The following RUNX2 variants were observed in gnomAD, a reference collection of about 807,000 sequenced individuals.
The protein encoded by RUNX2 is runt-related transcription factor 2.
RUNX2 carries 10 observed loss-of-function variants against 51.7 expected under a neutral mutation model. The ratio of observed to expected loss-of-function variants is 0.19; its 90% CI spans 0.12 to 0.33. The LOEUF (loss-of-function observed/expected upper bound fraction) is 0.33, where lower values mean the gene tolerates loss of function less well. RUNX2 is among the 10% of genes least tolerant of loss of function. RUNX2 has a pLI of 1.00. For synonymous variants in RUNX2, 276 were observed against 273.6 expected, an observed-to-expected ratio of 1.01 and a Z score of -0.09; for missense variants, 562 against 691.3, an observed-to-expected ratio of 0.81 and a Z score of 2.10.
At chr6:45,500,989 G>A (rs758810835) in intron 6 of RUNX2, among the ~76,000 whole-genome samples, 10 of 152,220 alleles carry the variant, frequency 6.6e-5, no homozygotes, top group Non-Finnish European at 2.9e-5. Context: ...AGGGTTAAGA[G>A]GGAAATTTAA....
chr6:45,382,878 T>C lies in RUNX2; in HGVS notation c.59-39715T>C, dbSNP rs150940266. Among the ~76,000 whole-genome samples the C allele has an allele frequency of 3.9e-3, 601 of 152,212 alleles. 2 individuals carry two copies. The highest frequency in any genetic ancestry group is 6.9e-3 in the Non-Finnish European group (469 of 68,008). On this transcript the variant is annotated intron_variant, in intron 2 of 8. Coordinates refer to ENST00000647337, the MANE Select transcript of RUNX2 (RefSeq NM_001024630.4). ...TTGTTACAGTAGAGGGCTTAAGACA[T>C]GGTTGGGTTCTGGGTATATTTTGAA... is the stretch of plus-strand genomic sequence containing the variant.
intron 7 of RUNX2, among the ~76,000 whole-genome samples, chr6:45,539,574 G>A (rs1802152639): frequency 2.6e-5 from 4 of 152,196 alleles, no homozygotes; most frequent in Admixed American, 2.6e-4. Flanking sequence ...TTTAGTGTGA[G>A]GGGAGAAATT....
chr6:45,450,869 C>T (rs1225771066), intron 5 of RUNX2, among the ~76,000 whole-genome samples: 1 of 152,096 alleles, frequency 6.6e-6, no homozygotes, highest in Non-Finnish European at 1.5e-5. Flanking sequence ...ACTCACACAC[C>T]CAAAAGTGGC....
chr6:45,457,062 A>G (rs1799337045), intron 5 of RUNX2, among the ~76,000 whole-genome samples: 1 of 152,194 alleles, frequency 6.6e-6, no homozygotes, highest in Admixed American at 6.5e-5. Context: ...GCCAATTTTT[A>G]TATGCATTTT....
At chr6:45,363,018 T>C (rs919717765) in intron 2 of RUNX2, among the ~76,000 whole-genome samples, 16 of 152,194 alleles carry the variant, frequency 1.1e-4, no homozygotes, top group South Asian at 4.1e-4. Context: ...AGGTTTTTTA[T>C]TTTTATTTTT....
At chr6:45,544,066 A>AT (rs1250490153) in intron 7 of RUNX2, among the ~76,000 whole-genome samples, 2 of 151,876 alleles carry the variant, frequency 1.3e-5, no homozygotes, top group Non-Finnish European at 2.9e-5. Flanking sequence ...ATTCCAGAAA[A>AT]TTCTATTGTT....
At position 45,546,965 on chromosome 6, in the gene RUNX2, C is replaced by G; in HGVS notation, c.1226C>G (p.Ser409Cys). The change falls in exon 9 of 9, where the codon TCC becomes TGC. Residue 409 changes from serine to cysteine, a missense_variant. Physicochemically the swap from Ser to Cys is moderately radical, Grantham distance 112. Transcript: ENST00000647337. ...ACCCCGCCAGTCACCTCAGGCATGTCCCTCGGTATGTCCGCCACCACTCAC... is the reference window on the plus strand; with the variant it reads ...ACCCCGCCAGTCACCTCAGGCATGTGCCTCGGTATGTCCGCCACCACTCAC... ...TYTPPVTSGM[S>C]LGMSATTHYH... is the part of the protein sequence containing the mutation. The G allele has an allele frequency of 2.5e-6, 4 of 1,614,008 alleles. No homozygotes were observed. The highest frequency in any genetic ancestry group is 3.4e-6 in the Non-Finnish European group (4 of 1,179,992).
chr6:45,379,029 C>G (rs1010425498), intron 2 of RUNX2, among the ~76,000 whole-genome samples: 1 of 152,166 alleles, frequency 6.6e-6, no homozygotes, highest in East Asian at 1.9e-4. Context: ...CCTATAGATA[C>G]TGTGAGTTCT....
intron 5 of RUNX2, among the ~76,000 whole-genome samples, chr6:45,460,654 G>C (rs1799449081): frequency 1.3e-5 from 2 of 152,038 alleles, no homozygotes; most frequent in African/African-American, 4.8e-5. Flanking sequence ...ATCTACTTGG[G>C]AGGCTGAGGC....
intron 5 of RUNX2, among the ~76,000 whole-genome samples, chr6:45,463,103 A>G (rs1170510156): frequency 7.9e-5 from 12 of 152,150 alleles, no homozygotes; most frequent in African/African-American, 2.9e-4. Context: ...TCTACCAAAT[A>G]TTGATCAATG....
chr6:45,349,403 C>T lies in RUNX2; in HGVS notation c.58+20619C>T, dbSNP rs151308950. Among the ~76,000 whole-genome samples the T allele has an allele frequency of 2.7e-3, 410 of 152,272 alleles. 4 individuals carry two copies. Among genetic ancestry groups the T allele is most frequent in the African/African-American group, 8.2e-3 (340 of 41,554 alleles). ...TTAAATTAGCTACTTATTGATAAAT[C>T]GGGGCACTACAAGATGACATTATAT... On this transcript the variant is annotated intron_variant, in intron 2 of 8. Transcript: ENST00000647337.
intron 7 of RUNX2, among the ~76,000 whole-genome samples, chr6:45,516,850 T>A (rs1801341681): frequency 6.6e-6 from 1 of 152,228 alleles, no homozygotes; most frequent in African/African-American, 2.4e-5. Flanking sequence ...TTTCAAAATG[T>A]ATTTTATACA....
chr6:45,488,816 A>G (rs1159738744), intron 5 of RUNX2, among the ~76,000 whole-genome samples: 1 of 152,174 alleles, frequency 6.6e-6, no homozygotes, highest in African/African-American at 2.4e-5. Context: ...TCCTGTTTGG[A>G]ACATCTACTC....
At chr6:45,465,832 G>T (rs1325143079) in intron 5 of RUNX2, among the ~76,000 whole-genome samples, 2 of 149,722 alleles carry the variant, frequency 1.3e-5, no homozygotes, top group Non-Finnish European at 3.0e-5. Flanking sequence ...CTTTAGTGGA[G>T]ACAGGGTTTC....
chr6:45,380,342 A>G (rs1298625608), intron 2 of RUNX2, among the ~76,000 whole-genome samples: 2 of 152,246 alleles, frequency 1.3e-5, no homozygotes, highest in South Asian at 4.1e-4. Context: ...AAATGTCTCC[A>G]TGACCTGGAC....
chr6:45,537,199 C>T (rs2150444490), intron 7 of RUNX2, among the ~76,000 whole-genome samples: 1 of 152,286 alleles, frequency 6.6e-6, no homozygotes, highest in African/African-American at 2.4e-5. Flanking sequence ...AATTCTGGGG[C>T]TGGGTCAAGC....
intron 2 of RUNX2, among the ~76,000 whole-genome samples, chr6:45,387,814 A>T (rs1264014930): frequency 6.6e-6 from 1 of 152,202 alleles, no homozygotes; most frequent in East Asian, 1.9e-4. Flanking sequence ...TCAGAGAGGC[A>T]TATTAATGAT....
In RUNX2 at chr6:45,370,306, G is replaced by T. The variant is rs555619922; in HGVS notation, c.58+41522G>T. 1.2e-4 allele frequency among the ~76,000 whole-genome samples: 19 copies of T among 152,184 alleles called. No individual in the cohort carries two copies. The South Asian group carries it at 3.1e-3, about 25-fold the overall frequency. On this transcript the variant is annotated intron_variant, in intron 2 of 8. Coordinates refer to ENST00000647337, the MANE Select transcript of RUNX2 (RefSeq NM_001024630.4). Reference sequence around the variant, plus strand: ...ATTACACGTGGGGTGTGAGAGAAGCGCAGTCAAGGATGACCGAATTCTGGA... The same window carrying T: ...ATTACACGTGGGGTGTGAGAGAAGCTCAGTCAAGGATGACCGAATTCTGGA...
chr6:45,416,307 T>A (rs1314880645), intron 2 of RUNX2, among the ~76,000 whole-genome samples: 3 of 152,182 alleles, frequency 2.0e-5, no homozygotes, highest in African/African-American at 7.2e-5. Flanking sequence ...CTAGATGAAC[T>A]GAGAGTATTA....
Sources: gnomAD v4.1 joint callset for allele counts (sites outside exome capture counted in the v4.1 genomes callset) on GRCh38, gnomAD v4.1.1 for gene constraint, MANE v1.5 for transcripts, NCBI Gene and HGNC (gene_info 2026-07-23, HGNC 2026-07-21) for gene names.